PCDHGB3: variants seen among roughly 807,000 people sequenced by gnomAD.
PCDHGB3 encodes protocadherin gamma subfamily B, 3, also known as protocadherin gamma-B3.
Under a neutral mutation model 59.2 loss-of-function variants are expected in PCDHGB3, and 40 were observed. The observed-to-expected ratio is 0.68, with a 90% CI of 0.52 to 0.88. PCDHGB3 has a LOEUF of 0.88. Ranked by LOEUF, PCDHGB3 falls within the 40% of genes least tolerant of loss-of-function variation. PCDHGB3 has a pLI of 0.00. For synonymous variants in PCDHGB3, 581 were observed against 503.6 expected (o/e 1.15, Z -2.06); for missense variants, 1,309 against 1,187.9 (o/e 1.10, Z -1.50).
At chr5:141,376,909 G>T (rs1253318299) in intron 1 of PCDHGB3, 1 of 186,916 alleles carries the variant, frequency 5.3e-6, no homozygotes, top group Non-Finnish European at 1.1e-5. Context: ...GGATGGTCTC[G>T]ATCTCCTGAC....
At chr5:141,454,087 T>A (rs1251936767) in intron 1 of PCDHGB3, among the ~76,000 whole-genome samples, 4 of 152,198 alleles carry the variant, frequency 2.6e-5, no homozygotes, top group Non-Finnish European at 5.9e-5. Context: ...TCAGTGAAAT[T>A]TGAATTGAAC....
rs187488785 is a variant in PCDHGB3 at position 141,461,744 on chromosome 5, C to T, written c.2416-33063C>T. 5.9e-5 allele frequency among the ~76,000 whole-genome samples: 9 copies of T among 152,302 alleles called. No individual in the cohort carries two copies. The East Asian group carries it at 1.7e-3, about 29-fold the overall frequency. On this transcript the variant is annotated intron_variant, in intron 1 of 3. Transcript: ENST00000576222. ...GGAGTGCAGTGGCACAATCCCGGCT[C>T]CCAGATTCAAGCGATTCTCCTGCCT...
At chr5:141,406,989 T>C (rs1402069577) in intron 1 of PCDHGB3, among the ~76,000 whole-genome samples, 2 of 152,236 alleles carry the variant, frequency 1.3e-5, no homozygotes, top group Non-Finnish European at 2.9e-5. Context: ...TCACAAGACA[T>C]TTGAAAATAA....
rs554845172 is a variant in PCDHGB3 at position 141,485,584 on chromosome 5, G to A, written c.2416-9223G>A. Reference sequence around the variant, plus strand: ...ACGCCCCCCGTTTTCCGCGGCAGCAGCTGGACTTGGAAATTGGGGAGGCAG... The same window carrying A: ...ACGCCCCCCGTTTTCCGCGGCAGCAACTGGACTTGGAAATTGGGGAGGCAG... On this transcript the variant is annotated intron_variant, in intron 1 of 3. Transcript: ENST00000576222. The surrounding 1 kb of genome is among the most constrained non-coding windows in gnomAD (Gnocchi z 5.7). The A allele has an allele frequency of 2.9e-5, 46 of 1,612,498 alleles. 1 individual carries two copies. The South Asian group carries it at 4.5e-4, about 16-fold the overall frequency.
intron 1 of PCDHGB3, among the ~76,000 whole-genome samples, chr5:141,458,009 G>T (rs1039110082): frequency 2.6e-5 from 4 of 152,142 alleles, no homozygotes; most frequent in Non-Finnish European, 4.4e-5. Context: ...AAAATAACCG[G>T]TTTTTCCAAT....
intron 1 of PCDHGB3, among the ~76,000 whole-genome samples, chr5:141,483,201 C>A (rs2099578254): frequency 6.6e-6 from 1 of 152,108 alleles, no homozygotes; most frequent in Non-Finnish European, 1.5e-5. Context: ...TTATTTTATT[C>A]CATATAGATG....
rs2099699514 is a variant in PCDHGB3 at position 141,490,385 on chromosome 5, A to G, written c.2416-4422A>G. 1 of 1,614,190 alleles carries G rather than the reference A, an allele frequency of 6.2e-7. No individual in the cohort carries two copies. Among genetic ancestry groups the G allele is most frequent in the African/African-American group, 1.3e-5 (1 of 75,032 alleles). ...GTGCGAGACCGGGACTCAGGTAGAA[A>G]TGGTGAAGTGAGCCTTGATATCTCT... On this transcript the variant is annotated intron_variant, in intron 1 of 3. Coordinates refer to ENST00000576222, the MANE Select transcript of PCDHGB3 (RefSeq NM_018924.5). This position sits in a 1 kb window ranked among gnomAD's most constrained non-coding sequence, Gnocchi z 5.4.
intron 1 of PCDHGB3, among the ~76,000 whole-genome samples, chr5:141,461,046 G>A (rs984653754): frequency 6.6e-6 from 1 of 151,578 alleles, no homozygotes; most frequent in Non-Finnish European, 1.5e-5. Context: ...AGTCGATGGG[G>A]ACTTAGGTTG....
chr5:141,401,841 CACTT>C (rs1043132396), intron 1 of PCDHGB3, among the ~76,000 whole-genome samples: 6 of 152,114 alleles, frequency 3.9e-5, no homozygotes, highest in Non-Finnish European at 8.8e-5. Flanking sequence ...CTTATAATAC[CACTT>C]ACTTTTAACC....
chr5:141,432,873 T>G lies in PCDHGB3; in HGVS notation c.2415+60064T>G, dbSNP rs753576338. The stretch of plus-strand genomic sequence containing the variant: ...GTGGCCGCGGTCTCCTGCGTCTTCC[T>G]GGCCTTCGTCATCTTGCTGCTGGCG... On this transcript the variant is annotated intron_variant, in intron 1 of 3. Transcript: ENST00000576222. This position sits in a 1 kb window ranked among gnomAD's most constrained non-coding sequence, Gnocchi z 6.0. 4 of 1,614,204 alleles carry G rather than the reference T, an allele frequency of 2.5e-6. No homozygotes were observed. The highest frequency in any genetic ancestry group is 3.4e-6 in the Non-Finnish European group (4 of 1,180,014).
intron 1 of PCDHGB3, chr5:141,393,544 A>T: frequency 6.2e-7 from 1 of 1,613,800 alleles, no homozygotes; most frequent in East Asian, 2.2e-5. Context: ...GTTTTTCCTC[A>T]CCCGATTTAC....
At chr5:141,419,751 C>T (rs140649685) in intron 1 of PCDHGB3, 1 of 1,613,900 alleles carries the variant, frequency 6.2e-7, no homozygotes, top group African/African-American at 1.3e-5. Flanking sequence ...ATGGTGCGTG[C>T]TTTGGGTGAC....
intron 1 of PCDHGB3, among the ~76,000 whole-genome samples, chr5:141,467,823 T>A (rs1225960296): frequency 1.3e-5 from 2 of 152,012 alleles, no homozygotes; most frequent in African/African-American, 2.4e-5. Flanking sequence ...CACACCAGGC[T>A]GATTTTTATA....
intron 1 of PCDHGB3, among the ~76,000 whole-genome samples, chr5:141,455,419 G>T (rs1462099602): frequency 6.6e-6 from 1 of 152,124 alleles, no homozygotes; most frequent in Non-Finnish European, 1.5e-5. Flanking sequence ...AGGGAGCGGG[G>T]CTCCAAAAGA....
chr5:141,389,074 G>C (rs1561622860), intron 1 of PCDHGB3: 11 of 1,614,030 alleles, frequency 6.8e-6, no homozygotes, highest in Non-Finnish European at 9.3e-6. Context: ...ACTTCTTCAA[G>C]AAACACGTAT....
intron 1 of PCDHGB3, among the ~76,000 whole-genome samples, chr5:141,469,731 C>A (rs1332201791): frequency 6.6e-6 from 1 of 152,214 alleles, no homozygotes; most frequent in Non-Finnish European, 1.5e-5. Context: ...ATCATAAATA[C>A]ACACCTCAAA....
rs1427742903 is a variant in PCDHGB3 at position 141,477,916 on chromosome 5, A to G, written c.2416-16891A>G. On this transcript the variant is annotated intron_variant, in intron 1 of 3. Coordinates refer to ENST00000576222, the MANE Select transcript of PCDHGB3 (RefSeq NM_018924.5). This position sits in a 1 kb window ranked among gnomAD's most constrained non-coding sequence, Gnocchi z 4.9. ...GGGTGGTAGGCTGGGACGCGGATGC[A>G]GGGCACAATGCCTGGCTCTCCTACA... The G allele has an allele frequency of 1.2e-6, 2 of 1,614,042 alleles. No homozygotes were observed. The highest frequency in any genetic ancestry group is 2.7e-5 in the African/African-American group (2 of 74,932).
chr5:141,400,128 G>T, intron 1 of PCDHGB3: 1 of 1,614,080 alleles, frequency 6.2e-7, no homozygotes, highest in Non-Finnish European at 8.5e-7. Context: ...TGCAGGAGGT[G>T]CTGCCGGATA....
At chr5:141,437,778 G>C (rs750813139) in intron 1 of PCDHGB3, among the ~76,000 whole-genome samples, 1 of 146,836 alleles carries the variant, frequency 6.8e-6, no homozygotes, top group Non-Finnish European at 1.5e-5. Flanking sequence ...TCAATCTGTC[G>C]CCAAGCTGGA....
Sources: gnomAD v4.1 joint callset for allele counts (sites outside exome capture counted in the v4.1 genomes callset) on GRCh38, gnomAD v4.1.1 for gene constraint, Gnocchi (gnomAD v3.1) non-coding constraint, MANE v1.5 for transcripts, NCBI Gene and HGNC (gene_info 2026-07-23, HGNC 2026-07-21) for gene names.